KDM5A: variants seen among roughly 807,000 people sequenced by gnomAD.
The protein encoded by KDM5A is lysine-specific demethylase 5A.
A neutral mutation model predicts 193.5 loss-of-function variants in KDM5A; 42 were observed. The observed-to-expected ratio is 0.22, with a 90% CI of 0.17 to 0.28. KDM5A has a LOEUF of 0.28. Ranked by LOEUF, KDM5A falls within the 10% of genes least tolerant of loss-of-function variation. The pLI is 1.00. For missense variants in KDM5A, 1,692 were observed against 2,055.1 expected, an observed-to-expected ratio of 0.82 and a Z score of 3.42; for synonymous variants, 796 against 718.1, an observed-to-expected ratio of 1.11 and a Z score of -1.73.
chr12:379,487 A>C (rs1444269190), intron 3 of KDM5A, among the ~76,000 whole-genome samples: 5 of 152,170 alleles, frequency 3.3e-5, no homozygotes, highest in Non-Finnish European at 7.3e-5. Flanking sequence ...ATGAAAATTT[A>C]TTGAACTGTA....
rs1482688111 is a variant in KDM5A, at chr12:313,208, A to G, written c.2898-14T>C. On this transcript the variant is annotated splice_polypyrimidine_tract_variant and intron_variant, in intron 19 of 27. Transcript: ENST00000399788. ...CTGTGCCTCGGTCTAAAAGAACAAT[A>G]AAAACAGAGTAGGATGCATGAGAAA... 1.2e-6 allele frequency: 2 copies of G among 1,613,866 alleles called. No homozygotes were observed. Among genetic ancestry groups the G allele is most frequent in the South Asian group, 1.1e-5 (1 of 91,078 alleles).
chr12:372,044 C>T (rs990345036), intron 3 of KDM5A, among the ~76,000 whole-genome samples: 1 of 152,168 alleles, frequency 6.6e-6, no homozygotes, highest in African/African-American at 2.4e-5. Flanking sequence ...ATGCCTCCAG[C>T]TTTGTTCTTT....
chr12:327,992 C>T (rs1313440168), intron 14 of KDM5A, among the ~76,000 whole-genome samples: 6 of 151,806 alleles, frequency 4.0e-5, no homozygotes, highest in African/African-American at 9.7e-5. Flanking sequence ...CCAGCCTGGG[C>T]GACAGAGAGA....
chr12:362,578 G>A (rs987143869), intron 5 of KDM5A, among the ~76,000 whole-genome samples: 1 of 152,182 alleles, frequency 6.6e-6, no homozygotes, highest in Admixed American at 6.5e-5. Flanking sequence ...TGGCACTACA[G>A]TATCCGGGGT....
At chr12:301,716 A>T (rs1468280614) in intron 24 of KDM5A, among the ~76,000 whole-genome samples, 3 of 152,208 alleles carry the variant, frequency 2.0e-5, no homozygotes, top group African/African-American at 7.2e-5. Context: ...GGGTATTCAA[A>T]TAGGAACAGA....
rs752129078 is a variant in KDM5A at position 307,217 on chromosome 12, T to G, written c.3931-128A>C. On this transcript the variant is annotated intron_variant, in intron 23 of 27. Transcript: ENST00000399788. The surrounding 1 kb of genome is among the most constrained non-coding windows in gnomAD (Gnocchi z 4.3). ...GCTAACAGAGTTCTTCAACAGTTAG[T>G]AGAAATCAAATTATTTGATTATGAT... 2 of 1,158,912 alleles carry G rather than the reference T, an allele frequency of 1.7e-6. No homozygotes were observed. The highest frequency in any genetic ancestry group is 5.0e-5 in the East Asian group (2 of 39,876). 71.8% of individuals were successfully genotyped at this position (1,158,912 alleles called of 1,614,324 possible).
At chr12:309,694 A>G in intron 22 of KDM5A, 109 bp downstream of exon 22, 1 of 1,169,066 alleles carries the variant, frequency 8.6e-7, no homozygotes, top group Non-Finnish European at 1.3e-6. Context: ...TCATAAAGCC[A>G]AAGTATATGA....
intron 17 of KDM5A, among the ~76,000 whole-genome samples, chr12:322,080 T>C (rs1025378191): frequency 1.3e-5 from 2 of 152,056 alleles, no homozygotes; most frequent in African/African-American, 4.8e-5. Flanking sequence ...GCCAACAAAG[T>C]GACATTTGAA....
chr12:310,956 C>T lies in KDM5A; in HGVS notation c.3145G>A (p.Ala1049Thr). ...GTCCGTTCTCTCCATGCCCGTGCTG[C>T]TGCTACCTGTGATTCCACTTGCGGC... ...ALPQVESQVA[A>T]ARAWRERTGR... Residue 1049 changes from alanine (A) to threonine (T), a missense_variant, in exon 21 of 28, where the codon GCA (alanine) becomes ACA (threonine). Coordinates refer to ENST00000399788, the MANE Select transcript of KDM5A (RefSeq NM_001042603.3). The T allele has an allele frequency of 6.2e-7, 1 of 1,614,230 alleles. No homozygotes were observed. Among genetic ancestry groups the T allele is most frequent in the Non-Finnish European group, 8.5e-7 (1 of 1,180,034 alleles).
intron 3 of KDM5A, among the ~76,000 whole-genome samples, chr12:372,113 T>C (rs933671395): frequency 5.3e-5 from 8 of 152,202 alleles, no homozygotes; most frequent in Middle Eastern, 3.2e-3. Flanking sequence ...AACTTTAAAG[T>C]AGTTTTTTCC....
At chr12:316,126 A>G (rs1943648407) in intron 19 of KDM5A, among the ~76,000 whole-genome samples, 2 of 152,246 alleles carry the variant, frequency 1.3e-5, no homozygotes, top group South Asian at 4.1e-4. Flanking sequence ...AACCAATACT[A>G]AGAGATCAAG....
At chr12:300,481 C>T (rs1238055217) in intron 24 of KDM5A, among the ~76,000 whole-genome samples, 1 of 152,146 alleles carries the variant, frequency 6.6e-6, no homozygotes, top group Non-Finnish European at 1.5e-5. Flanking sequence ...TTCTTTGAAA[C>T]CAATGAGAAC....
At chr12:353,394 T>C (rs913275217) in intron 8 of KDM5A, among the ~76,000 whole-genome samples, 2 of 152,136 alleles carry the variant, frequency 1.3e-5, no homozygotes, top group African/African-American at 2.4e-5. Flanking sequence ...TAGCATGAAA[T>C]TGGATGCATA....
chr12:322,359 G>GT lies in KDM5A; in HGVS notation c.2426+57dup, dbSNP rs1252128322. The GT allele has an allele frequency of 3.2e-6, 5 of 1,578,198 alleles. No homozygotes were observed. In the African/African-American group the frequency reaches 6.7e-5, roughly 21 times the overall value. ...GCTTCACAGGCCGGATAAAATTTTG[G>GT]TTTTTACTCTGAAAGAAACAGGAAA... On this transcript the variant is annotated intron_variant, in intron 17 of 27. Transcript: ENST00000399788.
chr12:352,401 T>C, intron 8 of KDM5A, 77 bp from the exon 9 acceptor site: 1 of 1,316,094 alleles, frequency 7.6e-7, no homozygotes. Context: ...GTTACTAAAT[T>C]CTTTGATCAT....
intron 19 of KDM5A, among the ~76,000 whole-genome samples, chr12:316,691 G>A (rs1210922123): frequency 1.3e-5 from 2 of 152,202 alleles, no homozygotes; most frequent in African/African-American, 2.4e-5. Flanking sequence ...TCCTGGAACT[G>A]TCATTCGTCT....
Position 307,754 on chromosome 12 carries a change from G to C in KDM5A, c.3630C>G (p.Phe1210Leu), listed in dbSNP as rs2137389119. 6.2e-7 allele frequency: 1 copy of C among 1,614,164 alleles called. No individual in the cohort carries two copies. The highest frequency in any genetic ancestry group is 8.5e-7 in the Non-Finnish European group (1 of 1,180,028). Residue 1210 changes from phenylalanine to leucine, a missense_variant, in exon 23 of 28, where the codon TTC becomes TTG. This residue lies in a region of KDM5A where 965 missense variants were observed against 1,061.0 expected (regional missense o/e 0.91). Coordinates refer to ENST00000399788, the MANE Select transcript of KDM5A (RefSeq NM_001042603.3). This position sits in a 1 kb window ranked among gnomAD's most constrained non-coding sequence, Gnocchi z 4.3. ...GAGACCGCATACAAAGAGGGCAAAG[G>C]AATTTTACTTCTTTAGCTTGCCAGC... ...GSSWQAKEVKFLCPLCMRSRR... is the reference protein window; with the variant it reads ...GSSWQAKEVKLLCPLCMRSRR...
At chr12:338,705 G>C (rs1219213850) in intron 10 of KDM5A, among the ~76,000 whole-genome samples, 1 of 152,136 alleles carries the variant, frequency 6.6e-6, no homozygotes, top group African/African-American at 2.4e-5. Context: ...AGCAAGAATG[G>C]CTGTAGTGGG....
At chr12:341,479 GA>G (rs3216508) in intron 10 of KDM5A, among the ~76,000 whole-genome samples, 10,657 of 148,208 alleles carry the variant, frequency 0.072, 829 homozygotes, top group East Asian at 0.35. Flanking sequence ...TGACAAGAGG[GA>G]AAAAAAAAAT....
Sources: gnomAD v4.1 joint callset for allele counts (sites outside exome capture counted in the v4.1 genomes callset) on GRCh38, gnomAD v4.1.1 for gene constraint, gnomAD v4.1.1 regional missense constraint, Gnocchi (gnomAD v3.1) non-coding constraint, MANE v1.5 for transcripts, NCBI Gene and HGNC (gene_info 2026-07-23, HGNC 2026-07-21) for gene names.